C1orf87: variants seen among roughly 807,000 people sequenced by gnomAD.
The protein encoded by C1orf87 is chromosome 1 open reading frame 87, also known as uncharacterized protein C1orf87.
In C1orf87, 58 loss-of-function variants were observed where a neutral mutation model predicts 60.5. The observed-to-expected ratio is 0.96, with a 90% CI of 0.78 to 1.19. The LOEUF (loss-of-function observed/expected upper bound fraction) is 1.19, where lower values mean the gene tolerates loss of function less well. Among genes scored for constraint, C1orf87 ranks in the 50% most tolerant of loss-of-function variants. C1orf87 has a pLI of 0.00. For missense variants in C1orf87, 673 were observed against 638.6 expected (o/e 1.05, Z -0.58); for synonymous variants, 236 against 227.4 (o/e 1.04, Z -0.34).
intron 8 of C1orf87, among the ~76,000 whole-genome samples, chr1:60,016,200 T>C (rs908431199): frequency 6.6e-6 from 1 of 152,204 alleles, no homozygotes; most frequent in Non-Finnish European, 1.5e-5. Context: ...TTGAGAGTAA[T>C]TTATGTAATG....
chr1:60,065,014 T>TTAATATATA (rs1437377008), intron 2 of C1orf87, among the ~76,000 whole-genome samples: 1 of 20,874 alleles, frequency 4.8e-5, no homozygotes, highest in African/African-American at 1.2e-4. Context: ...AAATATATAT[T>TTAATATATA]AAATATATAT....
intron 2 of C1orf87, among the ~76,000 whole-genome samples, chr1:60,066,349 A>G (rs190636673): frequency 8.9e-4 from 135 of 152,336 alleles, no homozygotes; most frequent in African/African-American, 3.1e-3. Flanking sequence ...AACTAAGTTT[A>G]TATGATATTC....
At chr1:60,015,942 G>T (rs893791607) in intron 8 of C1orf87, among the ~76,000 whole-genome samples, 1 of 152,074 alleles carries the variant, frequency 6.6e-6, no homozygotes, top group Non-Finnish European at 1.5e-5. Context: ...GTAGAGGCAG[G>T]GTTTTCCCAG....
intron 8 of C1orf87, among the ~76,000 whole-genome samples, chr1:60,016,334 G>T (rs1054266148): frequency 2.6e-5 from 4 of 152,156 alleles, no homozygotes; most frequent in South Asian, 4.1e-4. Context: ...TGTATTAGGT[G>T]CATATGCATT....
At position 60,072,540 on chromosome 1, in the gene C1orf87, T is replaced by G. The variant is rs777374836; in HGVS notation, c.104A>C (p.Lys35Thr). Residue 35 changes from lysine (K) to threonine (T), a missense_variant, in exon 2 of 12, where the codon AAG (lysine) becomes ACG (threonine). Coordinates refer to ENST00000371201, the MANE Select transcript of C1orf87 (RefSeq NM_152377.3). ...KHFQYLVEKPKIKENDSLKTE... is the reference protein window; with the variant it reads ...KHFQYLVEKPTIKENDSLKTE... ...TATTTTTCAAATATGGACTTACATC[T>G]TTGGCTTCTCCACGAGGTATTGAAA... is the stretch of plus-strand genomic sequence containing the variant. 1 of 1,603,756 alleles carries G rather than the reference T, an allele frequency of 6.2e-7. No individual in the cohort carries two copies. Among genetic ancestry groups the G allele is most frequent in the Admixed American group, 1.7e-5 (1 of 58,832 alleles).
At chr1:60,024,414 C>T (rs1363612969) in intron 8 of C1orf87, among the ~76,000 whole-genome samples, 1 of 152,168 alleles carries the variant, frequency 6.6e-6, no homozygotes, top group African/African-American at 2.4e-5. Flanking sequence ...GTCTGCCTCA[C>T]TAGCTGGTGG....
At chr1:59,991,827 C>G (rs533696477) in intron 11 of C1orf87, among the ~76,000 whole-genome samples, 3 of 152,214 alleles carry the variant, frequency 2.0e-5, no homozygotes, top group Non-Finnish European at 4.4e-5. Context: ...TGGGAGGAGT[C>G]GCAGTGTAGA....
intron 6 of C1orf87, among the ~76,000 whole-genome samples, chr1:60,033,965 T>C (rs1405591741): frequency 2.0e-5 from 3 of 152,198 alleles, no homozygotes; most frequent in Admixed American, 2.0e-4. Context: ...TAAGCAATCA[T>C]AGTAGTTTAC....
chr1:59,995,201 C>CGCT (rs1553124697), intron 11 of C1orf87, among the ~76,000 whole-genome samples: 3 of 152,216 alleles, frequency 2.0e-5, no homozygotes, highest in African/African-American at 7.2e-5. Context: ...ATCCATTATC[C>CGCT]ATCACAAGTA....
intron 8 of C1orf87, among the ~76,000 whole-genome samples, chr1:60,014,638 C>T (rs748289215): frequency 7.2e-5 from 11 of 152,052 alleles, no homozygotes; most frequent in Non-Finnish European, 1.3e-4. Flanking sequence ...AGCTGGTATG[C>T]TCTTCTATGA....
chr1:60,028,067 C>A (rs1023974621), intron 7 of C1orf87, among the ~76,000 whole-genome samples: 13 of 152,108 alleles, frequency 8.5e-5, no homozygotes, highest in Admixed American at 7.8e-4. Flanking sequence ...GTGAAAGAGG[C>A]CATGAATGCA....
intron 7 of C1orf87, among the ~76,000 whole-genome samples, chr1:60,027,941 C>A (rs543503515): frequency 2.0e-4 from 30 of 152,286 alleles, no homozygotes; most frequent in African/African-American, 6.7e-4. Context: ...AGCATTTCTA[C>A]AAGGTGGTGG....
At chr1:60,067,412 C>G (rs746764265) in intron 2 of C1orf87, among the ~76,000 whole-genome samples, 1 of 152,158 alleles carries the variant, frequency 6.6e-6, no homozygotes, top group African/African-American at 2.4e-5. Context: ...GCCATTCTAA[C>G]TGGTGTGATA....
chr1:60,002,021 C>T (rs7533549), intron 9 of C1orf87, among the ~76,000 whole-genome samples: 2,359 of 152,136 alleles, frequency 0.016, 49 homozygotes, highest in African/African-American at 0.054. Context: ...GACTTGGTGA[C>T]TTATTTATTT....
chr1:60,031,168 A>C (rs1019341946), intron 7 of C1orf87, among the ~76,000 whole-genome samples: 1 of 151,972 alleles, frequency 6.6e-6, no homozygotes, highest in Non-Finnish European at 1.5e-5. Flanking sequence ...TTCCTTGTCC[A>C]CTCTGAAGTC....
intron 2 of C1orf87, among the ~76,000 whole-genome samples, chr1:60,060,121 C>T (rs1156490997): frequency 1.3e-5 from 2 of 149,024 alleles, no homozygotes; most frequent in African/African-American, 2.5e-5. Flanking sequence ...GGAACCATAC[C>T]ATGTACTATT....
At chr1:60,008,430 C>A (rs1397625821) in intron 9 of C1orf87, among the ~76,000 whole-genome samples, 1 of 151,828 alleles carries the variant, frequency 6.6e-6, no homozygotes, top group Admixed American at 6.6e-5. Flanking sequence ...TGTGTATCCC[C>A]CACCCCAAAT....
At chr1:60,008,751 G>C (rs1192391038) in intron 9 of C1orf87, 2 of 449,318 alleles carry the variant, frequency 4.5e-6, no homozygotes, top group South Asian at 3.2e-5. Context: ...TCACTTCAAT[G>C]GTCTCCTCAT....
chr1:59,992,209 G>A (rs1258502298), intron 11 of C1orf87, among the ~76,000 whole-genome samples: 1 of 150,816 alleles, frequency 6.6e-6, no homozygotes, highest in Non-Finnish European at 1.5e-5. Context: ...AAAAGAGATT[G>A]CTTCAAGTAG....
Sources: allele counts gnomAD v4.1 joint callset (sites outside exome capture counted in the v4.1 genomes callset), GRCh38; gene constraint gnomAD v4.1.1; transcripts MANE v1.5; gene names NCBI Gene and HGNC (gene_info 2026-07-23, HGNC 2026-07-21).